Variants in MAP3K13 observed in about 807,000 individuals in gnomAD.
MAP3K13 encodes the protein mitogen-activated protein kinase kinase kinase 13.
Under a neutral mutation model 104.0 loss-of-function variants are expected in MAP3K13, and 52 were observed. That is an observed-to-expected ratio of 0.50 (90% CI 0.40 to 0.63). The LOEUF (loss-of-function observed/expected upper bound fraction) is 0.63, where lower values mean the gene tolerates loss of function less well. Among genes scored for constraint, MAP3K13 ranks in the 20% least tolerant of loss-of-function variants. The pLI is 0.00. For missense variants in MAP3K13, 914 were observed against 1,218.5 expected, an observed-to-expected ratio of 0.75 and a Z score of 3.72; for synonymous variants, 394 against 442.2, an observed-to-expected ratio of 0.89 and a Z score of 1.37.
chr3:185,395,263 A>G (rs1020114602), intron 1 of MAP3K13, among the ~76,000 whole-genome samples: 5 of 151,598 alleles, frequency 3.3e-5, no homozygotes, highest in African/African-American at 1.2e-4. Flanking sequence ...TTCCAGAATG[A>G]CATCGCTGTA....
rs1553803306 is a variant in MAP3K13 at position 185,428,644 on chromosome 3, C to A, written c.63C>A (p.Ser21Arg). The change falls in exon 2 of 14, where the codon AGC (serine) becomes AGA (arginine). Residue 21 changes from serine to arginine, a missense_variant. Around this residue, in one of 3 missense-constraint regions of MAP3K13, gnomAD observed 156 missense variants for 159.8 expected, o/e 0.98. Transcript: ENST00000265026. The part of the protein sequence containing the change: ...SSSPHLPFSE[S>R]KTFNGLQDEL... ...CTCCACACTTACCCTTCAGTGAAAG[C>A]AAAACCTTCAATGGACTACAAGATG... The A allele has an allele frequency of 3.1e-6, 5 of 1,613,656 alleles. No individual in the cohort carries two copies. In the Admixed American group the frequency reaches 5.0e-5, roughly 16 times the overall value.
chr3:185,326,420 T>A (rs1408671636), intron 2 of MAP3K13, among the ~76,000 whole-genome samples: 1 of 152,092 alleles, frequency 6.6e-6, no homozygotes, highest in Non-Finnish European at 1.5e-5. Flanking sequence ...TATCTATTGA[T>A]CCAGACACGA....
At position 185,454,944 on chromosome 3, in the gene MAP3K13, G is replaced by GAT. The variant is rs1264092556; in HGVS notation, c.1278+3556_1278+3557dup. Among the ~76,000 whole-genome samples the GAT allele has an allele frequency of 1.8e-3, 76 of 41,848 alleles. 2 individuals carry two copies. Among genetic ancestry groups the GAT allele is most frequent in the African/African-American group, 3.7e-3 (40 of 10,856 alleles). The allele number at this position is 41,848 out of a possible 152,430, so 27.5% of individuals were successfully genotyped here. The stretch of plus-strand genomic sequence containing the variant: ...AGATATATATATGATATATATATGA[G>GAT]ATATATATGATATATATATGAGATA... On this transcript the variant is annotated intron_variant, in intron 7 of 13. Coordinates refer to ENST00000265026, the MANE Select transcript of MAP3K13 (RefSeq NM_004721.5).
intron 2 of MAP3K13, among the ~76,000 whole-genome samples, chr3:185,309,100 A>G (rs553251549): frequency 3.9e-4 from 59 of 152,272 alleles, no homozygotes; most frequent in African/African-American, 1.4e-3. Context: ...ACTTGATTAT[A>G]TCTGCAAAGA....
At chr3:185,447,408 C>G (rs969998617) in intron 4 of MAP3K13, among the ~76,000 whole-genome samples, 2 of 148,456 alleles carry the variant, frequency 1.3e-5, no homozygotes, top group African/African-American at 5.0e-5. Flanking sequence ...AGGAGAAAAT[C>G]CCTTGAACCC....
At chr3:185,290,642 C>A (rs945442289) in intron 2 of MAP3K13, among the ~76,000 whole-genome samples, 1 of 152,036 alleles carries the variant, frequency 6.6e-6, no homozygotes, top group Non-Finnish European at 1.5e-5. Context: ...TTTACCAGCT[C>A]GGTAATTACC....
At chr3:185,291,572 A>C (rs1720739939) in intron 2 of MAP3K13, 1 of 1,492,616 alleles carries the variant, frequency 6.7e-7, no homozygotes. Flanking sequence ...AAATTATTAG[A>C]CTTGTAGTAG....
chr3:185,308,196 A>C (rs1246134459), intron 2 of MAP3K13, among the ~76,000 whole-genome samples: 2 of 151,942 alleles, frequency 1.3e-5, no homozygotes, highest in African/African-American at 4.8e-5. Flanking sequence ...CCAGCTATAG[A>C]GTCTTAGGGC....
At position 185,454,696 on chromosome 3, in the gene MAP3K13, GAT is replaced by G. The variant is rs774188943; in HGVS notation, c.1278+3310_1278+3311del. On this transcript the variant is annotated intron_variant, in intron 7 of 13. Transcript: ENST00000265026. ...AGATATTTATATGATATATATATGAGATATATATATCATATATGAGATATATA... is the reference window on the plus strand; with the variant it reads ...AGATATTTATATGATATATATATGAGATATATATCATATATGAGATATATA... 2.5e-3 allele frequency among the ~76,000 whole-genome samples: 76 copies of G among 30,276 alleles called. 17 individuals carry two copies. The highest frequency in any genetic ancestry group is 4.3e-3 in the African/African-American group (60 of 13,898). 19.9% of individuals were successfully genotyped at this position (30,276 alleles called of 152,430 possible). A position where few individuals can be genotyped will look rare whatever the true frequency, so the allele number is the denominator to read the frequency against.
intron 2 of MAP3K13, among the ~76,000 whole-genome samples, chr3:185,317,333 C>G (rs569282590): frequency 6.6e-6 from 1 of 152,122 alleles, no homozygotes; most frequent in Non-Finnish European, 1.5e-5. Flanking sequence ...CTAAATTGTC[C>G]TTCCTGTTGC....
chr3:185,301,679 T>C (rs976646074), intron 2 of MAP3K13, among the ~76,000 whole-genome samples: 12 of 152,208 alleles, frequency 7.9e-5, no homozygotes, highest in Non-Finnish European at 1.2e-4. Context: ...CCAACTTCAT[T>C]CTTTTGCATG....
chr3:185,343,535 C>A (rs1235272383), intron 2 of MAP3K13, among the ~76,000 whole-genome samples: 1 of 152,122 alleles, frequency 6.6e-6, no homozygotes. Flanking sequence ...TCACTGCAAC[C>A]TCCACCTCCC....
chr3:185,454,603 A>ATATATAT (rs1422493164), intron 7 of MAP3K13, among the ~76,000 whole-genome samples: 25,111 of 45,734 alleles, frequency 0.55, 8,852 homozygotes, highest in Non-Finnish European at 0.74. Context: ...GATATATATG[A>ATATATAT]GATATATATG....
intron 5 of MAP3K13, 78 bp downstream of exon 5, chr3:185,448,025 C>T (rs1163493717): frequency 1.4e-6 from 2 of 1,427,958 alleles, no homozygotes; most frequent in Non-Finnish European, 1.9e-6. Flanking sequence ...TCCTTCAGCA[C>T]TTACTTTTCC....
intron 1 of MAP3K13, among the ~76,000 whole-genome samples, chr3:185,383,553 CTCTG>C (rs1474084802): frequency 7.4e-6 from 1 of 134,400 alleles, no homozygotes; most frequent in Admixed American, 7.8e-5. Flanking sequence ...CAGAGTGAGA[CTCTG>C]TCTCAAAAAA....
chr3:185,416,772 C>G (rs1019863737), intron 1 of MAP3K13, among the ~76,000 whole-genome samples: 1 of 151,180 alleles, frequency 6.6e-6, no homozygotes, highest in Non-Finnish European at 1.5e-5. Context: ...CAGGCACATG[C>G]CACCATGCCC....
chr3:185,454,440 A>AGATATATAT (rs1334587914), intron 7 of MAP3K13, among the ~76,000 whole-genome samples: 4 of 112,346 alleles, frequency 3.6e-5, no homozygotes, highest in South Asian at 2.7e-4. Context: ...GATATATATG[A>AGATATATAT]GATATATATA....
intron 3 of MAP3K13, among the ~76,000 whole-genome samples, chr3:185,440,345 G>A (rs766269266): frequency 1.2e-4 from 18 of 152,230 alleles, no homozygotes; most frequent in African/African-American, 3.6e-4. Flanking sequence ...CTGTTAGACC[G>A]TTTCTATGTG....
intron 1 of MAP3K13, among the ~76,000 whole-genome samples, chr3:185,397,534 A>C (rs56372615): frequency 0.7 from 106,870 of 152,140 alleles, 38,133 homozygotes; most frequent in Non-Finnish European, 0.77. Flanking sequence ...TTTAGCATAG[A>C]AAATACTTAT....
Sources: gnomAD v4.1 joint callset for allele counts (sites outside exome capture counted in the v4.1 genomes callset) on GRCh38, gnomAD v4.1.1 for gene constraint, gnomAD v4.1.1 regional missense constraint, MANE v1.5 for transcripts, NCBI Gene and HGNC (gene_info 2026-07-23, HGNC 2026-07-21) for gene names.